Variants in CCDC39 observed in about 807,000 individuals in gnomAD.
CCDC39 encodes coiled-coil domain 39 molecular ruler complex subunit.
Under a neutral mutation model 121.0 loss-of-function variants are expected in CCDC39, and 113 were observed. The ratio of observed to expected loss-of-function variants is 0.93; its 90% CI spans 0.80 to 1.09. The LOEUF is 1.09. CCDC39 is among the 50% of genes least tolerant of loss of function. CCDC39 has a pLI of 0.00. For synonymous variants in CCDC39, 349 were observed against 352.2 expected (o/e 0.99, Z 0.10); for missense variants, 1,063 against 1,074.7 (o/e 0.99, Z 0.15).
At chr3:180,615,472 G>A (rs2108403287) in intron 19 of CCDC39, among the ~76,000 whole-genome samples, 1 of 152,146 alleles carries the variant, frequency 6.6e-6, no homozygotes, top group Non-Finnish European at 1.5e-5. Flanking sequence ...AGAGAAGAGA[G>A]AAGCATATTG....
intron 11 of CCDC39, 150 bp downstream of exon 11, chr3:180,646,929 A>G: frequency 1.5e-6 from 1 of 653,458 alleles, no homozygotes; most frequent in South Asian, 2.1e-5. Context: ...TTACACACTA[A>G]TAGTACAAAA....
In CCDC39 at chr3:180,614,756, CAGT is replaced by C. The variant is rs541439318; in HGVS notation, c.*162_*164del. On this transcript the variant is annotated 3_prime_UTR_variant, in exon 20 of 20. Coordinates refer to ENST00000476379, the MANE Select transcript of CCDC39 (RefSeq NM_181426.2). ...ATTAATTTCTTCAGTATGAAGAAAA[CAGT>C]AGAGAAAATGAGAACGTTCCTTTTT... 631 of 570,542 alleles carry C rather than the reference CAGT, an allele frequency of 1.1e-3. 4 individuals carry two copies. Among genetic ancestry groups the C allele is most frequent in the South Asian group, 7.2e-3 (267 of 37,140 alleles). 35.3% of individuals were successfully genotyped at this position (570,542 alleles called of 1,614,324 possible).
At chr3:180,673,132 C>A (rs557571607) in intron 1 of CCDC39, among the ~76,000 whole-genome samples, 1 of 152,214 alleles carries the variant, frequency 6.6e-6, no homozygotes, top group East Asian at 1.9e-4. Context: ...GAGATAGTAT[C>A]TACTCCTAGT....
At chr3:180,670,312 G>GGT (rs34194996) in intron 1 of CCDC39, among the ~76,000 whole-genome samples, 6,179 of 148,344 alleles carry the variant, frequency 0.042, 136 homozygotes, top group Non-Finnish European at 0.048. Flanking sequence ...GTATGGAAGG[G>GGT]GTGTGTGTGT....
intron 1 of CCDC39, among the ~76,000 whole-genome samples, chr3:180,666,465 T>C (rs920861497): frequency 6.6e-6 from 1 of 152,198 alleles, no homozygotes; most frequent in Non-Finnish European, 1.5e-5. Flanking sequence ...TCTGAGGTGC[T>C]CATTAATGAA....
intron 12 of CCDC39, 92 bp downstream of exon 12, chr3:180,644,026 TTC>T: frequency 1.1e-6 from 1 of 901,226 alleles, no homozygotes; most frequent in Non-Finnish European, 1.6e-6. Context: ...TAGTGACATT[TTC>T]TTTTTCATAA....
intron 1 of CCDC39, among the ~76,000 whole-genome samples, chr3:180,678,275 T>C (rs1425241971): frequency 6.6e-6 from 1 of 152,208 alleles, no homozygotes; most frequent in African/African-American, 2.4e-5. Flanking sequence ...AATTGCAGTC[T>C]TCTAAATTAC....
At chr3:180,622,160 A>C (rs1340022467) in intron 14 of CCDC39, among the ~76,000 whole-genome samples, 1 of 151,922 alleles carries the variant, frequency 6.6e-6, no homozygotes, top group Non-Finnish European at 1.5e-5. Context: ...ATTTCTAGGT[A>C]CTGTTTTTGT....
At chr3:180,623,085 T>TTAA (rs1415487112) in intron 14 of CCDC39, among the ~76,000 whole-genome samples, 11 of 98,798 alleles carry the variant, frequency 1.1e-4, no homozygotes, top group African/African-American at 4.1e-4. Context: ...ATTTTTATTA[T>TTAA]TATTATTATT....
intron 1 of CCDC39, among the ~76,000 whole-genome samples, chr3:180,671,538 G>T (rs1468818981): frequency 6.6e-6 from 1 of 152,170 alleles, no homozygotes; most frequent in Non-Finnish European, 1.5e-5. Context: ...CCCCAATTCT[G>T]GAGTTTGCCT....
At position 180,631,542 on chromosome 3, in the gene CCDC39, T is replaced by C. The variant is rs779876609; in HGVS notation, c.1925A>G (p.Tyr642Cys). Residue 642 changes from tyrosine to cysteine, a missense_variant, in exon 14 of 20, where the codon TAT (tyrosine) becomes TGT (cysteine). Transcript: ENST00000476379. ...LSKIEKLKNR[Y>C]EILTVVMLPP... is the part of the protein sequence containing the mutation. The stretch of plus-strand genomic sequence containing the variant: ...CAGCATAACAACAGTCAGAATTTCA[T>C]ATCTATTCTTCAGCTTCTCAATTTT... 2 of 1,609,428 alleles carry C rather than the reference T, an allele frequency of 1.2e-6. No individual in the cohort carries two copies. Among genetic ancestry groups the C allele is most frequent in the African/African-American group, 1.3e-5 (1 of 75,046 alleles).
intron 14 of CCDC39, among the ~76,000 whole-genome samples, chr3:180,625,819 TG>T (rs1305133510): frequency 6.6e-6 from 1 of 151,880 alleles, no homozygotes; most frequent in Non-Finnish European, 1.5e-5. Flanking sequence ...GAAGTTTTGC[TG>T]GGGTCTAGGA....
chr3:180,659,618 A>T, intron 5 of CCDC39, 38 bp from the exon 6 acceptor site: 3 of 1,606,684 alleles, frequency 1.9e-6, no homozygotes, highest in Non-Finnish European at 2.6e-6. Context: ...CTGTGAATTT[A>T]AGTGGTTTTG....
At chr3:180,622,792 T>C (rs903453498) in intron 14 of CCDC39, among the ~76,000 whole-genome samples, 2 of 152,148 alleles carry the variant, frequency 1.3e-5, no homozygotes, top group African/African-American at 2.4e-5. Context: ...ATCTTCCTGA[T>C]GTGCTGTTGG....
chr3:180,629,530 A>G (rs1178841879), intron 14 of CCDC39, among the ~76,000 whole-genome samples: 4 of 152,234 alleles, frequency 2.6e-5, no homozygotes, highest in Non-Finnish European at 5.9e-5. Flanking sequence ...ACACCTTGGT[A>G]TCACCATGCA....
Position 180,651,431 on chromosome 3 carries a change from A to G in CCDC39, c.1137T>C (p.Asp379=), listed in dbSNP as rs374132008. ...SVEEKATNLE[D]MLKEEEKDVK... is the part of the protein sequence containing the mutation. ...CATCTTTTTCCTCCTCCTTTAGCAT[A>G]TCTTCCAAATTAGTAGCTTTCTCTT... The change falls in exon 9 of 20, where the codon GAT becomes GAC. Residue 379 remains aspartate (D), a synonymous_variant. Transcript: ENST00000476379. 462 of 1,559,496 alleles carry G rather than the reference A, an allele frequency of 3.0e-4. 1 individual carries two copies. The highest frequency in any genetic ancestry group is 6.6e-4 in the East Asian group (28 of 42,648).
chr3:180,642,618 A>C (rs978292256), intron 12 of CCDC39, among the ~76,000 whole-genome samples: 1 of 152,080 alleles, frequency 6.6e-6, no homozygotes, highest in South Asian at 2.1e-4. Flanking sequence ...ATATCAATCA[A>C]TTTTCAGAAT....
At chr3:180,669,673 A>G (rs1484134976) in intron 1 of CCDC39, among the ~76,000 whole-genome samples, 1 of 152,142 alleles carries the variant, frequency 6.6e-6, no homozygotes, top group Non-Finnish European at 1.5e-5. Context: ...TTTTCCCACA[A>G]TAGATAATGA....
intron 13 of CCDC39, among the ~76,000 whole-genome samples, chr3:180,637,793 C>G (rs1229799227): frequency 6.6e-6 from 1 of 152,082 alleles, no homozygotes; most frequent in Non-Finnish European, 1.5e-5. Context: ...GTGGATGGAG[C>G]TGGAGGCCAT....
Sources: gnomAD v4.1 joint callset for allele counts (sites outside exome capture counted in the v4.1 genomes callset) on GRCh38, gnomAD v4.1.1 for gene constraint, MANE v1.5 for transcripts, NCBI Gene and HGNC (gene_info 2026-07-23, HGNC 2026-07-21) for gene names.